The following MGAT4C variants were observed in gnomAD, a reference collection of about 807,000 sequenced individuals.
MGAT4C encodes the protein MGAT4 family member C.
MGAT4C carries 19 observed loss-of-function variants against 40.1 expected under a neutral mutation model. The observed-to-expected ratio is 0.47, with a 90% CI of 0.33 to 0.70. The LOEUF (loss-of-function observed/expected upper bound fraction) is 0.70, where lower values mean the gene tolerates loss of function less well. Among genes scored for constraint, MGAT4C ranks in the 30% least tolerant of loss-of-function variants. MGAT4C has a pLI of 0.02. For missense variants in MGAT4C, 491 were observed against 563.2 expected, an observed-to-expected ratio of 0.87 and a Z score of 1.30; for synonymous variants, 181 against 187.1, an observed-to-expected ratio of 0.97 and a Z score of 0.27.
chr12:86,621,061 A>C (rs909869223), intron 2 of MGAT4C, among the ~76,000 whole-genome samples: 2 of 152,146 alleles, frequency 1.3e-5, no homozygotes, highest in African/African-American at 4.8e-5. Context: ...TAATATGTCC[A>C]TGTAACAAAA....
Position 86,342,017 on chromosome 12 carries a change from G to A in MGAT4C, c.-119-7890C>T, listed in dbSNP as rs574082905. Among the ~76,000 whole-genome samples, 9 of 152,138 alleles carry A rather than the reference G, an allele frequency of 5.9e-5. No individual in the cohort carries two copies. The South Asian group carries it at 1.7e-3, about 28-fold the overall frequency. ...TGATTTACCAAAATATGGCCAGACT[G>A]CTTTTTTTAAGTGGGTTCCTGTCAA... On this transcript the variant is annotated intron_variant, in intron 3 of 7. Transcript: ENST00000548651.
rs111264353 is a variant in MGAT4C at position 86,744,054 on chromosome 12, T to G, written c.-261-16813A>C. On this transcript the variant is annotated intron_variant, in intron 1 of 7. Transcript: ENST00000548651. The stretch of plus-strand genomic sequence containing the variant: ...GAGCAACAGCAGGAGATATGAATAT[T>G]ACTTGGCTTGAGGCAGTGGGAAGGA... 3.2e-3 allele frequency among the ~76,000 whole-genome samples: 490 copies of G among 151,672 alleles called. 2 individuals are homozygous for G. The highest frequency in any genetic ancestry group is 0.011 in the African/African-American group (474 of 41,476).
upstream of MGAT4C, chr12:86,838,919 T>C (rs1241044880): frequency 6.6e-6 from 1 of 152,186 alleles, no homozygotes; most frequent in Non-Finnish European, 1.5e-5. Flanking sequence ...TGAAAACGCT[T>C]GAGATAAATT....
intron 1 of MGAT4C, among the ~76,000 whole-genome samples, chr12:86,788,314 G>A (rs1457453912): frequency 6.9e-6 from 1 of 144,542 alleles, no homozygotes; most frequent in South Asian, 2.2e-4. Flanking sequence ...TTTTTTTTTG[G>A]TAAAACATCC....
At chr12:86,555,285 A>G (rs940504651) in intron 2 of MGAT4C, among the ~76,000 whole-genome samples, 1 of 152,172 alleles carries the variant, frequency 6.6e-6, no homozygotes, top group Admixed American at 6.5e-5. Flanking sequence ...AAAGACAGTA[A>G]TTGTCCTGAA....
At chr12:86,143,424 T>C (rs1883115954) in intron 1 of MGAT4C, among the ~76,000 whole-genome samples, 1 of 152,074 alleles carries the variant, frequency 6.6e-6, no homozygotes, top group Non-Finnish European at 1.5e-5. Flanking sequence ...TTAGAGGAGA[T>C]TGTCATGCAG....
chr12:86,670,084 C>CA (rs1263743231), intron 2 of MGAT4C, among the ~76,000 whole-genome samples: 1 of 151,320 alleles, frequency 6.6e-6, no homozygotes, highest in Non-Finnish European at 1.5e-5. Flanking sequence ...AAAATAAATA[C>CA]AAAAATTAGA....
chr12:86,223,027 T>C (rs1950942063), intron 1 of MGAT4C, among the ~76,000 whole-genome samples: 1 of 152,150 alleles, frequency 6.6e-6, no homozygotes, highest in Admixed American at 6.5e-5. Flanking sequence ...CACAGAGGCA[T>C]TGTTCGAGAG....
chr12:86,286,619 T>C (rs544635882), intron 4 of MGAT4C, among the ~76,000 whole-genome samples: 1 of 152,254 alleles, frequency 6.6e-6, no homozygotes, highest in South Asian at 2.1e-4. Context: ...CAGGGGAACA[T>C]GTGCAGGTGT....
chr12:86,727,153 A>C (rs1950834995), intron 2 of MGAT4C: 1 of 152,144 alleles, frequency 6.6e-6, no homozygotes, highest in Non-Finnish European at 1.5e-5. Flanking sequence ...TAAAGCAAAT[A>C]AAGTCTCAAC....
chr12:86,005,333 T>C (rs1887764618), intron 2 of MGAT4C, among the ~76,000 whole-genome samples: 1 of 152,190 alleles, frequency 6.6e-6, no homozygotes, highest in South Asian at 2.1e-4. Context: ...CCTGGCAATA[T>C]AGTTATTTAC....
At chr12:86,494,510 T>C (rs1041957960) in intron 2 of MGAT4C, among the ~76,000 whole-genome samples, 3 of 151,776 alleles carry the variant, frequency 2.0e-5, no homozygotes, top group Non-Finnish European at 2.9e-5. Context: ...AAAATAGTGA[T>C]AATTTTAAAA....
chr12:86,016,903 T>G (rs1452113823), intron 2 of MGAT4C, among the ~76,000 whole-genome samples: 2 of 152,046 alleles, frequency 1.3e-5, no homozygotes, highest in Non-Finnish European at 2.9e-5. Flanking sequence ...CTCTTATCAA[T>G]TCTCTCATTT....
intron 1 of MGAT4C, among the ~76,000 whole-genome samples, chr12:86,740,541 T>A (rs1023766370): frequency 4.0e-5 from 6 of 151,338 alleles, no homozygotes; most frequent in African/African-American, 1.4e-4. Context: ...TAATGCCACT[T>A]CTGATTTTGT....
At chr12:86,217,275 A>G (rs1950708323) in intron 1 of MGAT4C, among the ~76,000 whole-genome samples, 1 of 152,166 alleles carries the variant, frequency 6.6e-6, no homozygotes, top group Non-Finnish European at 1.5e-5. Context: ...CCCAGGCTCA[A>G]GCGAGTCTCC....
At chr12:86,332,569 T>C (rs994600436) in intron 4 of MGAT4C, among the ~76,000 whole-genome samples, 3 of 152,090 alleles carry the variant, frequency 2.0e-5, no homozygotes, top group Admixed American at 2.0e-4. Flanking sequence ...TCTTTCAAAA[T>C]ATATGAAGTA....
intron 2 of MGAT4C, among the ~76,000 whole-genome samples, chr12:86,685,567 G>A (rs1042145581): frequency 1.3e-5 from 2 of 152,166 alleles, no homozygotes; most frequent in Non-Finnish European, 2.9e-5. Context: ...ATTCTGTGAA[G>A]AAAGTCAATG....
chr12:86,488,929 C>A (rs954752211), intron 2 of MGAT4C, among the ~76,000 whole-genome samples: 14 of 152,066 alleles, frequency 9.2e-5, no homozygotes, highest in African/African-American at 3.4e-4. Flanking sequence ...AGAGGTGGGT[C>A]CCTGGCAAAA....
At chr12:86,495,529 C>G (rs1398065434) in intron 2 of MGAT4C, among the ~76,000 whole-genome samples, 37 of 152,118 alleles carry the variant, frequency 2.4e-4, no homozygotes, top group Admixed American at 2.2e-3. Flanking sequence ...GGCTGGTGTT[C>G]TGTGTGTCCA....
Sources: gnomAD v4.1 joint callset for allele counts (sites outside exome capture counted in the v4.1 genomes callset) on GRCh38, gnomAD v4.1.1 for gene constraint, MANE v1.5 for transcripts, NCBI Gene and HGNC (gene_info 2026-07-23, HGNC 2026-07-21) for gene names.